The following EPHB1 variants were observed in gnomAD, a reference collection of about 807,000 sequenced individuals.
EPHB1 encodes the protein EPH receptor B1.
In EPHB1, 30 loss-of-function variants were observed where a neutral mutation model predicts 94.4. The ratio of observed to expected loss-of-function variants is 0.32; its 90% CI spans 0.24 to 0.43. The LOEUF is 0.43. Ranked by LOEUF, EPHB1 falls within the 20% of genes least tolerant of loss-of-function variation. The pLI, the probability that EPHB1 is intolerant of heterozygous loss-of-function variation, is 1.00. For missense variants in EPHB1, 1,055 were observed against 1,308.3 expected (o/e 0.81, Z 2.99); for synonymous variants, 522 against 489.1 (o/e 1.07, Z -0.89).
At chr3:134,899,810 G>T (rs1290598008) in intron 1 of EPHB1, among the ~76,000 whole-genome samples, 1 of 152,180 alleles carries the variant, frequency 6.6e-6, no homozygotes, top group Non-Finnish European at 1.5e-5. Context: ...AAATATCTGG[G>T]ACTACAGGCA....
intron 3 of EPHB1, among the ~76,000 whole-genome samples, chr3:135,096,830 G>T (rs1938789189): frequency 6.6e-6 from 1 of 152,184 alleles, no homozygotes; most frequent in Admixed American, 6.5e-5. Context: ...AGGCACAATG[G>T]CTCATGCCTG....
chr3:135,179,176 T>C (rs1372410395), intron 9 of EPHB1, among the ~76,000 whole-genome samples: 1 of 152,202 alleles, frequency 6.6e-6, no homozygotes, highest in Non-Finnish European at 1.5e-5. Flanking sequence ...ATTTTATTTG[T>C]TTTTCATACT....
At chr3:134,885,123 A>G (rs1020201580) in intron 1 of EPHB1, among the ~76,000 whole-genome samples, 2 of 152,244 alleles carry the variant, frequency 1.3e-5, no homozygotes, top group Non-Finnish European at 2.9e-5. Context: ...AGATATTTTT[A>G]AAAGGTCCAA....
chr3:135,183,458 T>A (rs906030827), intron 10 of EPHB1, among the ~76,000 whole-genome samples: 7 of 152,210 alleles, frequency 4.6e-5, no homozygotes, highest in Non-Finnish European at 8.8e-5. Context: ...TTCAGAAAGA[T>A]CTTTATTCAT....
chr3:134,852,223 C>A (rs966109479), intron 1 of EPHB1, among the ~76,000 whole-genome samples: 3 of 152,188 alleles, frequency 2.0e-5, no homozygotes, highest in Non-Finnish European at 4.4e-5. Context: ...TTGCCCCACC[C>A]CTCTGGCAGT....
chr3:135,185,052 G>T (rs1170200973), intron 10 of EPHB1, among the ~76,000 whole-genome samples: 1 of 152,240 alleles, frequency 6.6e-6, no homozygotes, highest in Non-Finnish European at 1.5e-5. Flanking sequence ...GTCACTAGAA[G>T]TTGTTGGCAG....
In EPHB1 at chr3:134,889,069, C is replaced by T. The variant is rs546523310; in HGVS notation, c.59-36747C>T. The stretch of plus-strand genomic sequence containing the variant: ...TGGGAAGAAATTTAGATTTTCTGCT[C>T]AGTGCGATGGAAGCTGTTAAAGAGT... On this transcript the variant is annotated intron_variant, in intron 1 of 15. Transcript: ENST00000398015. Among the ~76,000 whole-genome samples, 9 of 152,264 alleles carry T rather than the reference C, an allele frequency of 5.9e-5. 1 individual carries two copies. In the South Asian group the frequency reaches 1.7e-3, roughly 28 times the overall value.
intron 6 of EPHB1, among the ~76,000 whole-genome samples, chr3:135,157,297 C>G (rs1406207015): frequency 6.6e-6 from 1 of 152,160 alleles, no homozygotes; most frequent in East Asian, 1.9e-4. Flanking sequence ...GGGCAGGGGT[C>G]AAGGGCTTAA....
At chr3:134,822,825 G>T (rs1023691323) in intron 1 of EPHB1, among the ~76,000 whole-genome samples, 10 of 152,220 alleles carry the variant, frequency 6.6e-5, no homozygotes, top group Admixed American at 2.6e-4. Context: ...GAGATTGTTT[G>T]TGGGAGTTGG....
intron 4 of EPHB1, among the ~76,000 whole-genome samples, chr3:135,126,942 C>T (rs1334836709): frequency 6.6e-6 from 1 of 152,142 alleles, no homozygotes; most frequent in Non-Finnish European, 1.5e-5. Context: ...ATTACATGAG[C>T]AGGTGAAGAT....
chr3:134,900,133 G>A (rs1431262692), intron 1 of EPHB1, among the ~76,000 whole-genome samples: 1 of 152,150 alleles, frequency 6.6e-6, no homozygotes, highest in Admixed American at 6.5e-5. Flanking sequence ...ATAGAAATGT[G>A]ACAATAGGGC....
At chr3:135,252,167 C>T (rs1442420563) in intron 15 of EPHB1, among the ~76,000 whole-genome samples, 4 of 151,132 alleles carry the variant, frequency 2.6e-5, no homozygotes, top group African/African-American at 9.7e-5. Flanking sequence ...ATTTTTTTTT[C>T]TGTCCATAGC....
At chr3:134,947,893 C>A (rs2039242901) in intron 2 of EPHB1, among the ~76,000 whole-genome samples, 1 of 152,124 alleles carries the variant, frequency 6.6e-6, no homozygotes, top group African/African-American at 2.4e-5. Context: ...TGGGCTCAAG[C>A]AATCCGCCCA....
chr3:135,186,773 T>A (rs1427420737), intron 10 of EPHB1, among the ~76,000 whole-genome samples: 1 of 152,208 alleles, frequency 6.6e-6, no homozygotes. Context: ...TTCCTCATTT[T>A]GTCAAGGAAG....
chr3:134,814,850 G>T (rs2036240340), intron 1 of EPHB1, among the ~76,000 whole-genome samples: 1 of 152,182 alleles, frequency 6.6e-6, no homozygotes, highest in South Asian at 2.1e-4. Context: ...GTCTTCTTTG[G>T]TGTCACCACT....
intron 1 of EPHB1, among the ~76,000 whole-genome samples, chr3:134,818,426 A>G (rs1278614224): frequency 2.6e-5 from 4 of 152,180 alleles, no homozygotes; most frequent in Non-Finnish European, 5.9e-5. Flanking sequence ...ATTTGGTTAC[A>G]TGGGTAAGTT....
At chr3:134,864,681 A>G (rs2037335921) in intron 1 of EPHB1, among the ~76,000 whole-genome samples, 3 of 152,214 alleles carry the variant, frequency 2.0e-5, no homozygotes. Flanking sequence ...CTTGCTTTCC[A>G]TAAGAACCAA....
chr3:135,207,392 T>C (rs1430630312), intron 12 of EPHB1, among the ~76,000 whole-genome samples: 6 of 152,144 alleles, frequency 3.9e-5, no homozygotes, highest in African/African-American at 1.4e-4. Context: ...AACAATTTAT[T>C]CAAGTGACAA....
chr3:135,126,733 C>T (rs1321484809), intron 4 of EPHB1, among the ~76,000 whole-genome samples: 1 of 152,226 alleles, frequency 6.6e-6, no homozygotes, highest in African/African-American at 2.4e-5. Context: ...TTTTCCCAAG[C>T]ATCTGTAACA....
Sources: allele counts gnomAD v4.1 joint callset (sites outside exome capture counted in the v4.1 genomes callset), GRCh38; gene constraint gnomAD v4.1.1; transcripts MANE v1.5; gene names NCBI Gene and HGNC (gene_info 2026-07-23, HGNC 2026-07-21).